Variants in EIF3H observed in about 807,000 individuals in gnomAD.
EIF3H encodes the protein eIF-3-gamma.
EIF3H carries 26 observed loss-of-function variants against 44.2 expected under a neutral mutation model. The observed-to-expected ratio is 0.59, with a 90% CI of 0.43 to 0.82. The LOEUF (loss-of-function observed/expected upper bound fraction) is 0.82, where lower values mean the gene tolerates loss of function less well. Ranked by LOEUF, EIF3H falls within the 40% of genes least tolerant of loss-of-function variation. The pLI, the probability that EIF3H is intolerant of heterozygous loss-of-function variation, is 0.00. For synonymous variants in EIF3H, 166 were observed against 151.9 expected (o/e 1.09, Z -0.68); for missense variants, 359 against 432.8 (o/e 0.83, Z 1.51).
At chr8:116,701,713 G>A (rs1814378519) in intron 2 of EIF3H, among the ~76,000 whole-genome samples, 1 of 152,130 alleles carries the variant, frequency 6.6e-6, no homozygotes, top group Admixed American at 6.5e-5. Flanking sequence ...CAAATTGATA[G>A]ATAATGTATA....
intron 2 of EIF3H, among the ~76,000 whole-genome samples, chr8:116,694,755 A>G (rs927026189): frequency 3.3e-5 from 5 of 152,220 alleles, no homozygotes; most frequent in African/African-American, 4.8e-5. Context: ...GAAAAGATCT[A>G]TAACTTCTAC....
chr8:116,656,555 T>C (rs1163153844), intron 4 of EIF3H, among the ~76,000 whole-genome samples: 1 of 152,204 alleles, frequency 6.6e-6, no homozygotes, highest in East Asian at 1.9e-4. Context: ...TTTAAAATTC[T>C]CTGCACCTTA....
intron 1 of EIF3H, chr8:116,734,427 T>C (rs1015050152): frequency 4.4e-6 from 2 of 454,806 alleles, no homozygotes; most frequent in Non-Finnish European, 8.8e-6. Context: ...TTACATTTCA[T>C]AAATCACACA....
At chr8:116,669,600 C>T (rs1813720907) in intron 2 of EIF3H, among the ~76,000 whole-genome samples, 1 of 152,190 alleles carries the variant, frequency 6.6e-6, no homozygotes, top group African/African-American at 2.4e-5. Context: ...GGGCCCACTC[C>T]AGCAACCTCA....
intron 2 of EIF3H, among the ~76,000 whole-genome samples, chr8:116,676,587 T>C (rs1035545992): frequency 3.3e-5 from 5 of 152,192 alleles, no homozygotes; most frequent in African/African-American, 1.2e-4. Context: ...GTGGGGATTA[T>C]GGGGATTACA....
chr8:116,685,094 T>C (rs1452358797), intron 2 of EIF3H, among the ~76,000 whole-genome samples: 1 of 152,206 alleles, frequency 6.6e-6, no homozygotes, highest in South Asian at 2.1e-4. Flanking sequence ...ATTGATATTA[T>C]GCAAATCACT....
rs1813276533 is a variant in EIF3H, at chr8:116,645,060, G to A, written c.1005C>T (p.Ala335=). 6 of 1,613,948 alleles carry A rather than the reference G, an allele frequency of 3.7e-6. No homozygotes were observed. The African/African-American group carries it at 5.3e-5, about 14-fold the overall frequency. ...CCATGAAGAGCTTGCCTAAGTTTTG[G>A]GCAGTGAACTCCTTGATGTTCTGGC... The part of the protein sequence containing the change: ...TYCQNIKEFT[A]QNLGKLFMAQ... The change falls in exon 8 of 8, where the codon GCC becomes GCT. Residue 335 remains alanine (A), a synonymous_variant. Coordinates refer to ENST00000521861, the MANE Select transcript of EIF3H (RefSeq NM_003756.3).
At chr8:116,673,266 C>T (rs1476541238) in intron 2 of EIF3H, among the ~76,000 whole-genome samples, 4 of 152,040 alleles carry the variant, frequency 2.6e-5, no homozygotes, top group Non-Finnish European at 5.9e-5. Context: ...ATAGAGACTC[C>T]AAAATTAAGA....
intron 2 of EIF3H, chr8:116,689,189 A>G (rs779577760): frequency 2.9e-5 from 12 of 408,570 alleles, no homozygotes; most frequent in South Asian, 1.6e-4. Context: ...AAGGACAAAT[A>G]TTGTATAATT....
At chr8:116,687,946 G>A (rs913354099) in intron 2 of EIF3H, among the ~76,000 whole-genome samples, 7 of 151,852 alleles carry the variant, frequency 4.6e-5, no homozygotes, top group South Asian at 2.1e-4. Flanking sequence ...AGAAGGTCCC[G>A]GCCTTCTAAA....
At position 116,644,807 on chromosome 8, in the gene EIF3H, C is replaced by T; in HGVS notation, c.*199G>A. The T allele has an allele frequency of 1.9e-6, 1 of 522,900 alleles. No homozygotes were observed. The highest frequency in any genetic ancestry group is 2.9e-5 in the East Asian group (1 of 34,586). The allele number at this position is 522,900 out of a possible 1,614,324, so 32.4% of individuals were successfully genotyped here. The stretch of plus-strand genomic sequence containing the variant: ...AAACAAAAGTAAGCCAGAGAAAATA[C>T]ATCTAAAATCAAATGAGCAAGCAGT... On this transcript the variant is annotated 3_prime_UTR_variant, in exon 8 of 8. Coordinates refer to ENST00000521861, the MANE Select transcript of EIF3H (RefSeq NM_003756.3).
intron 2 of EIF3H, among the ~76,000 whole-genome samples, chr8:116,670,840 T>A (rs1035408378): frequency 2.0e-5 from 3 of 152,164 alleles, no homozygotes; most frequent in East Asian, 1.9e-4. Flanking sequence ...TACACACAGA[T>A]CTCTTGAAGT....
intron 2 of EIF3H, among the ~76,000 whole-genome samples, chr8:116,705,901 G>A (rs181162196): frequency 2.6e-5 from 4 of 151,362 alleles, no homozygotes; most frequent in Admixed American, 2.6e-4. Context: ...GGGGAACTCT[G>A]TACTATCTTT....
chr8:116,755,778 C>T lies in EIF3H; in HGVS notation c.20G>A (p.Gly7Asp), dbSNP rs760440422. 12 of 1,613,830 alleles carry T rather than the reference C, an allele frequency of 7.4e-6. No individual in the cohort carries two copies. Among genetic ancestry groups the T allele is most frequent in the African/African-American group, 4.0e-5 (3 of 74,934 alleles). Reference protein sequence around the residue: MASRKEGTGSTATSSSS... With the variant: MASRKEDTGSTATSSSS... The stretch of plus-strand genomic sequence containing the variant: ...GGAAGAGGTGGCAGTAGAGCCGGTA[C>T]CTTCCTTGCGGGACGCCATCTTTCC... Residue 7 changes from glycine to aspartate, a missense_variant, in exon 1 of 8, where the codon GGT (glycine) becomes GAT (aspartate). Gly to Asp is a moderately conservative substitution (Grantham distance 94). Transcript: ENST00000521861.
intron 1 of EIF3H, among the ~76,000 whole-genome samples, chr8:116,732,365 TA>T (rs1368307003): frequency 6.6e-6 from 1 of 152,130 alleles, no homozygotes; most frequent in Non-Finnish European, 1.5e-5. Flanking sequence ...TATAAGTCAA[TA>T]AATCTAAAAT....
intron 2 of EIF3H, among the ~76,000 whole-genome samples, chr8:116,715,349 AAC>A (rs1380893125): frequency 1.3e-5 from 2 of 152,174 alleles, no homozygotes; most frequent in East Asian, 3.9e-4. Context: ...ATGAAAAAAA[AAC>A]AGATAAAAGC....
intron 2 of EIF3H, among the ~76,000 whole-genome samples, chr8:116,684,509 A>G (rs1018112890): frequency 6.6e-5 from 10 of 152,190 alleles, no homozygotes; most frequent in Admixed American, 2.0e-4. Flanking sequence ...CTATTATTCC[A>G]AAGAAACAAG....
intron 2 of EIF3H, among the ~76,000 whole-genome samples, chr8:116,669,487 C>A (rs1471946333): frequency 6.6e-6 from 1 of 152,104 alleles, no homozygotes; most frequent in East Asian, 1.9e-4. Context: ...ACTCAGGGGA[C>A]TGGGACAAGG....
intron 1 of EIF3H, among the ~76,000 whole-genome samples, chr8:116,753,637 C>T (rs549624903): frequency 1.9e-4 from 29 of 152,292 alleles, no homozygotes; most frequent in Non-Finnish European, 4.1e-4. Flanking sequence ...GAGAACCAGT[C>T]TCTTGACTAA....
Sources: allele counts gnomAD v4.1 joint callset (sites outside exome capture counted in the v4.1 genomes callset), GRCh38; gene constraint gnomAD v4.1.1; transcripts MANE v1.5; gene names NCBI Gene and HGNC (gene_info 2026-07-23, HGNC 2026-07-21).